ELK3: variants seen among roughly 807,000 people sequenced by gnomAD.
ELK3 encodes the protein ETS transcription factor ELK3, also known as ETS domain-containing protein Elk-3.
In ELK3, 10 loss-of-function variants were observed where a neutral mutation model predicts 28.9. The observed-to-expected ratio is 0.35, with a 90% CI of 0.21 to 0.59. The LOEUF (loss-of-function observed/expected upper bound fraction) is 0.59, where lower values mean the gene tolerates loss of function less well. ELK3 is among the 20% of genes least tolerant of loss of function. ELK3 has a pLI of 0.82. For synonymous variants in ELK3, 272 were observed against 243.5 expected (o/e 1.12, Z -1.09); for missense variants, 463 against 517.3 (o/e 0.90, Z 1.02).
At chr12:96,212,416 G>C (rs940688117) in intron 1 of ELK3, among the ~76,000 whole-genome samples, 1 of 152,230 alleles carries the variant, frequency 6.6e-6, no homozygotes, top group Non-Finnish European at 1.5e-5. Context: ...GTGAGACTCT[G>C]AGGGGGCCTA....
chr12:96,242,637 C>G (rs1951829606), intron 2 of ELK3, among the ~76,000 whole-genome samples: 2 of 152,110 alleles, frequency 1.3e-5, no homozygotes, highest in African/African-American at 4.8e-5. Context: ...GTCCTCTGAG[C>G]CCAGGTTGTT....
At chr12:96,228,899 G>A (rs1270536228) in intron 2 of ELK3, among the ~76,000 whole-genome samples, 1 of 152,242 alleles carries the variant, frequency 6.6e-6, no homozygotes, top group Non-Finnish European at 1.5e-5. Context: ...GATGGAAAGA[G>A]AAGATAAGAT....
chr12:96,237,153 T>C (rs977172280), intron 2 of ELK3, among the ~76,000 whole-genome samples: 4 of 152,232 alleles, frequency 2.6e-5, no homozygotes, highest in African/African-American at 9.6e-5. Context: ...TCAGATCACA[T>C]TCTAAGGTCC....
rs764402144 is a variant in ELK3 at position 96,247,583 on chromosome 12, C to T, written c.851C>T (p.Ser284Phe). The change falls in exon 3 of 5, where the codon TCT becomes TTT. Residue 284 changes from serine to phenylalanine, a missense_variant. Transcript: ENST00000228741. The surrounding 1 kb of genome is among the most constrained non-coding windows in gnomAD (Gnocchi z 5.5). ...LNLSSGSKTK[S>F]PSLPPKAKKP... Reference sequence around the variant, plus strand: ...CTGTCATCGGGCTCCAAGACCAAGTCTCCATCTCTTCCCCCAAAGGCCAAA... The same window carrying T: ...CTGTCATCGGGCTCCAAGACCAAGTTTCCATCTCTTCCCCCAAAGGCCAAA... 8 of 1,613,932 alleles carry T rather than the reference C, an allele frequency of 5.0e-6. No individual in the cohort carries two copies. Among genetic ancestry groups the T allele is most frequent in the Non-Finnish European group, 6.8e-6 (8 of 1,180,040 alleles).
In ELK3 at chr12:96,247,300, A is replaced by G; in HGVS notation, c.568A>G (p.Thr190Ala). The change falls in exon 3 of 5, where the codon ACC (threonine) becomes GCC (alanine). Residue 190 changes from threonine to alanine, a missense_variant. By Grantham distance (58) the Thr-to-Ala change is moderately conservative. Coordinates refer to ENST00000228741, the MANE Select transcript of ELK3 (RefSeq NM_005230.4). This position sits in a 1 kb window ranked among gnomAD's most constrained non-coding sequence, Gnocchi z 5.5. The stretch of plus-strand genomic sequence containing the variant: ...TGTGATCAGGTTTGTGACCAATAAA[A>G]CCGACAAGCACGTCACCAGGCCGGT... ...RTVIRFVTNK[T>A]DKHVTRPVVS... is the part of the protein sequence containing the mutation. 6.2e-7 allele frequency: 1 copy of G among 1,614,174 alleles called. No homozygotes were observed. Among genetic ancestry groups the G allele is most frequent in the Non-Finnish European group, 8.5e-7 (1 of 1,180,036 alleles).
chr12:96,218,525 T>C lies in ELK3; in HGVS notation c.-2-5040T>C, dbSNP rs1449634958. Among the ~76,000 whole-genome samples the C allele has an allele frequency of 3.3e-5, 5 of 152,144 alleles. No homozygotes were observed. In the East Asian group the frequency reaches 9.6e-4, roughly 29 times the overall value. The stretch of plus-strand genomic sequence containing the variant: ...TACCTGTTGGGTGCAGTGTTCGCTA[T>C]TTGGGTGGTGGGTATGCTAGAAGCC... On this transcript the variant is annotated intron_variant, in intron 1 of 4. Transcript: ENST00000228741.
chr12:96,211,487 TTGTGTGTGTGTGTG>T (rs201554119), intron 1 of ELK3, among the ~76,000 whole-genome samples: 7 of 54,500 alleles, frequency 1.3e-4, no homozygotes, highest in Non-Finnish European at 1.9e-4. Context: ...CATTGTGTGT[TTGTGTGTGTGTGTG>T]TGTGTGTGTG....
At position 96,223,846 on chromosome 12, in the gene ELK3, A is replaced by T. The variant is rs1435798958; in HGVS notation, c.207+73A>T. On this transcript the variant is annotated intron_variant, in intron 2 of 4. Transcript: ENST00000228741. ...CCTCTGCGTAGTTCACTGATGAAAG[A>T]AAATAATAGCGTGCTATGAATCAAG... 2.1e-6 allele frequency: 3 copies of T among 1,437,322 alleles called. No individual in the cohort carries two copies. The Admixed American group carries it at 5.3e-5, about 25-fold the overall frequency. The allele number at this position is 1,437,322 out of a possible 1,614,324, so 89.0% of individuals were successfully genotyped here. A position where few individuals can be genotyped will look rare whatever the true frequency, so the allele number is the denominator to read the frequency against.
chr12:96,218,879 A>G (rs1265157998), intron 1 of ELK3, among the ~76,000 whole-genome samples: 2 of 151,988 alleles, frequency 1.3e-5, no homozygotes, highest in African/African-American at 4.8e-5. Flanking sequence ...CGATCTCCTG[A>G]CCTTGTGATC....
chr12:96,211,390 A>G (rs1368583259), intron 1 of ELK3, among the ~76,000 whole-genome samples: 1 of 152,012 alleles, frequency 6.6e-6, no homozygotes, highest in Non-Finnish European at 1.5e-5. Context: ...TGTATTTTGT[A>G]TAGCTGTATA....
chr12:96,210,044 A>C (rs1024751970), intron 1 of ELK3, among the ~76,000 whole-genome samples: 7 of 152,028 alleles, frequency 4.6e-5, no homozygotes, highest in Admixed American at 2.6e-4. Flanking sequence ...ACAGGATTGA[A>C]TTGTATTGAT....
chr12:96,213,817 C>G (rs953892671), intron 1 of ELK3: 5 of 152,134 alleles, frequency 3.3e-5, no homozygotes, highest in Admixed American at 2.0e-4. Context: ...CCTCAAACTC[C>G]TGGGCTTAAG....
At chr12:96,233,247 C>G (rs1488585226) in intron 2 of ELK3, among the ~76,000 whole-genome samples, 1 of 152,190 alleles carries the variant, frequency 6.6e-6, no homozygotes, top group Non-Finnish European at 1.5e-5. Flanking sequence ...CACGGGTTCT[C>G]TCTGTTGTTG....
At chr12:96,258,489 CCAATTCT>C (rs1310667895) in intron 3 of ELK3, among the ~76,000 whole-genome samples, 1 of 152,120 alleles carries the variant, frequency 6.6e-6, no homozygotes, top group African/African-American at 2.4e-5. Context: ...GCTACGGAGG[CCAATTCT>C]AGGAAAAAAT....
chr12:96,259,862 T>C lies in ELK3; in HGVS notation c.1125+9T>C, dbSNP rs751255175. Reference sequence around the variant, plus strand: ...CAAGCACGCTGTTCCAGGTGAGCGTTTGGAAATGAACTTTTGAACATTAAG... The same window carrying C: ...CAAGCACGCTGTTCCAGGTGAGCGTCTGGAAATGAACTTTTGAACATTAAG... On this transcript the variant is annotated intron_variant, in intron 4 of 4. Coordinates refer to ENST00000228741, the MANE Select transcript of ELK3 (RefSeq NM_005230.4). 4 of 1,587,270 alleles carry C rather than the reference T, an allele frequency of 2.5e-6. No homozygotes were observed. In the South Asian group the frequency reaches 3.4e-5, roughly 13 times the overall value.
intron 3 of ELK3, among the ~76,000 whole-genome samples, chr12:96,250,355 T>A (rs1223929512): frequency 6.6e-6 from 1 of 151,952 alleles, no homozygotes; most frequent in East Asian, 1.9e-4. Flanking sequence ...TTATTCAGAG[T>A]TGAGTTCTTG....
intron 3 of ELK3, among the ~76,000 whole-genome samples, chr12:96,253,135 C>G (rs919957938): frequency 6.6e-6 from 1 of 152,198 alleles, no homozygotes; most frequent in African/African-American, 2.4e-5. Context: ...GTGGCAGATG[C>G]CTGTAATCCC....
At chr12:96,237,073 A>G (rs1012015276) in intron 2 of ELK3, among the ~76,000 whole-genome samples, 1 of 152,180 alleles carries the variant, frequency 6.6e-6, no homozygotes, top group African/African-American at 2.4e-5. Flanking sequence ...TTCAGTGCCT[A>G]CCTCAAATCC....
At chr12:96,220,357 A>C (rs2137012285) in intron 1 of ELK3, among the ~76,000 whole-genome samples, 1 of 145,016 alleles carries the variant, frequency 6.9e-6, no homozygotes, top group African/African-American at 2.6e-5. Flanking sequence ...CGATCCCTCC[A>C]CACCTAGTAG....
Sources: allele counts gnomAD v4.1 joint callset (sites outside exome capture counted in the v4.1 genomes callset), GRCh38; gene constraint gnomAD v4.1.1; non-coding constraint Gnocchi (gnomAD v3.1); transcripts MANE v1.5; gene names NCBI Gene and HGNC (gene_info 2026-07-23, HGNC 2026-07-21).